The following ARHGAP25 variants were observed in gnomAD, a reference collection of about 807,000 sequenced individuals.
ARHGAP25 encodes the protein rho GTPase-activating protein 25.
Under a neutral mutation model 71.0 loss-of-function variants are expected in ARHGAP25, and 34 were observed. That is an observed-to-expected ratio of 0.48 (90% CI 0.36 to 0.64). ARHGAP25 has a LOEUF of 0.64. Ranked by LOEUF, ARHGAP25 falls within the 30% of genes least tolerant of loss-of-function variation. ARHGAP25 has a pLI of 0.00. For missense variants in ARHGAP25, 706 were observed against 805.1 expected, an observed-to-expected ratio of 0.88 and a Z score of 1.49; for synonymous variants, 282 against 296.5, an observed-to-expected ratio of 0.95 and a Z score of 0.50.
In ARHGAP25 at chr2:68,729,178, G is replaced by A. The variant is rs113015120; in HGVS notation, c.-18+18480G>A. ...TGAAAGTGTTCTACAGTTGATTGTG[G>A]CAATGGTTGCACAACTCTGAATGTA... On this transcript the variant is annotated intron_variant and NMD_transcript_variant, in intron 2 of 7. Coordinates refer to the ARHGAP25 transcript ENST00000463483. 5.9e-3 allele frequency among the ~76,000 whole-genome samples: 901 copies of A among 152,262 alleles called. 3 individuals carry two copies. Among genetic ancestry groups the A allele is most frequent in the Non-Finnish European group, 9.8e-3 (664 of 68,014 alleles).
intron 2 of ARHGAP25, among the ~76,000 whole-genome samples, chr2:68,711,917 T>C (rs1674492155): frequency 6.6e-6 from 1 of 152,066 alleles, no homozygotes; most frequent in Admixed American, 6.6e-5. Flanking sequence ...CAGTCTATCA[T>C]TGTGCATTTG....
chr2:68,735,985 TC>T (rs1675193432), intron 1 of ARHGAP25, among the ~76,000 whole-genome samples: 2 of 152,212 alleles, frequency 1.3e-5, no homozygotes, highest in South Asian at 4.1e-4. Context: ...ATAGATTTCT[TC>T]TATTGCTAAA....
chr2:68,816,096 T>C, intron 6 of ARHGAP25, 193 bp from the exon 7 acceptor site: 1 of 656,412 alleles, frequency 1.5e-6, no homozygotes, highest in Non-Finnish European at 2.8e-6. Flanking sequence ...ACTATGACCC[T>C]TTTAAAAAAA....
At chr2:68,753,610 A>G (rs958559572) in intron 1 of ARHGAP25, among the ~76,000 whole-genome samples, 2 of 152,164 alleles carry the variant, frequency 1.3e-5, no homozygotes, top group Non-Finnish European at 2.9e-5. Context: ...ATGGGGTGCT[A>G]TCTGTCCACT....
At chr2:68,758,534 G>C (rs1437822791) in intron 1 of ARHGAP25, among the ~76,000 whole-genome samples, 3 of 151,852 alleles carry the variant, frequency 2.0e-5, no homozygotes, top group African/African-American at 7.2e-5. Context: ...TACATTAATA[G>C]ATTGCTCAGT....
intron 5 of ARHGAP25, among the ~76,000 whole-genome samples, chr2:68,812,984 A>G (rs138375427): frequency 3.7e-4 from 57 of 152,356 alleles, no homozygotes; most frequent in African/African-American, 1.3e-3. Context: ...AATGACTTGA[A>G]GAAAGAAGAA....
chr2:68,754,237 A>C (rs891549689), intron 1 of ARHGAP25, among the ~76,000 whole-genome samples: 8 of 152,138 alleles, frequency 5.3e-5, no homozygotes, highest in African/African-American at 1.9e-4. Flanking sequence ...TTCTCCTCTC[A>C]TCTATTTCTA....
chr2:68,736,632 A>G (rs1573393313), intron 1 of ARHGAP25, among the ~76,000 whole-genome samples: 2 of 152,180 alleles, frequency 1.3e-5, no homozygotes, highest in East Asian at 3.8e-4. Context: ...GATATAGGAA[A>G]TTACCACACT....
intron 1 of ARHGAP25, among the ~76,000 whole-genome samples, chr2:68,760,780 C>T (rs1019416247): frequency 2.0e-5 from 3 of 151,334 alleles, no homozygotes; most frequent in South Asian, 2.1e-4. Context: ...TAATGCAATT[C>T]CTATCAAAAT....
intron 1 of ARHGAP25, among the ~76,000 whole-genome samples, chr2:68,759,624 ACCTGAT>A (rs756589543): frequency 0.054 from 8,248 of 152,060 alleles, 304 homozygotes; most frequent in Middle Eastern, 0.099. Context: ...TGAATTAAAG[ACCTGAT>A]GTCCTCACCA....
At chr2:68,742,172 G>T (rs1675553021) in intron 1 of ARHGAP25, among the ~76,000 whole-genome samples, 2 of 152,126 alleles carry the variant, frequency 1.3e-5, no homozygotes, top group African/African-American at 4.8e-5. Flanking sequence ...CTCTGGATGG[G>T]GCTGCGATAC....
At chr2:68,717,899 G>A (rs1674653615) in intron 2 of ARHGAP25, among the ~76,000 whole-genome samples, 2 of 152,196 alleles carry the variant, frequency 1.3e-5, no homozygotes, top group African/African-American at 4.8e-5. Context: ...CATAAAAAGA[G>A]CTCTGTTTTT....
chr2:68,724,484 A>G (rs1445507666), intron 2 of ARHGAP25, among the ~76,000 whole-genome samples: 2 of 152,214 alleles, frequency 1.3e-5, no homozygotes, highest in African/African-American at 4.8e-5. Flanking sequence ...GGATGGGACT[A>G]TAGCCACCTG....
intron 9 of ARHGAP25, among the ~76,000 whole-genome samples, chr2:68,821,725 G>T (rs999120784): frequency 6.6e-6 from 1 of 152,092 alleles, no homozygotes; most frequent in African/African-American, 2.4e-5. Flanking sequence ...TTATGAGAGA[G>T]GCTGAACATC....
intron 7 of ARHGAP25, 105 bp downstream of exon 7, chr2:68,816,467 A>C: frequency 3.4e-6 from 3 of 893,438 alleles, no homozygotes; most frequent in East Asian, 2.5e-5. Context: ...ATTCTGGTCT[A>C]GCACTTTGGA....
Position 68,817,962 on chromosome 2 carries a change from C to T in ARHGAP25, c.971C>T (p.Ser324Leu), listed in dbSNP as rs766951301. Residue 324 changes from serine to leucine, a missense_variant, in exon 8 of 11, where the codon TCG (serine) becomes TTG (leucine). Coordinates refer to ENST00000409202, the MANE Select transcript of ARHGAP25 (RefSeq NM_001007231.3). ...ATVIGVNLIR[S>L]KVEDPAVIMR... is the part of the protein sequence containing the mutation. The stretch of plus-strand genomic sequence containing the variant: ...GTGATTGGTGTGAATCTCATCAGGT[C>T]GAAGGTCGAAGACCCTGCCGTGATC... 11 of 1,613,988 alleles carry T rather than the reference C, an allele frequency of 6.8e-6. No homozygotes were observed. Among genetic ancestry groups the T allele is most frequent in the Admixed American group, 1.7e-5 (1 of 60,004 alleles).
At position 68,821,646 on chromosome 2, in the gene ARHGAP25, G is replaced by A. The variant is rs370944988; in HGVS notation, c.1201-694G>A. Among the ~76,000 whole-genome samples the A allele has an allele frequency of 6.6e-5, 10 of 152,218 alleles. No individual in the cohort carries two copies. In the South Asian group the frequency reaches 2.1e-3, roughly 32 times the overall value. ...CAACAGAGTTTGTTGTCAAATTTTG[G>A]GGGTTTGCTCATCTGATAAGTGAGA... On this transcript the variant is annotated intron_variant, in intron 9 of 10. Transcript: ENST00000409202.
At chr2:68,716,543 C>T (rs1558596271) in intron 2 of ARHGAP25, among the ~76,000 whole-genome samples, 2 of 152,170 alleles carry the variant, frequency 1.3e-5, no homozygotes, top group Non-Finnish European at 2.9e-5. Context: ...TCTATCCTTC[C>T]CTGAAGCTTG....
chr2:68,795,409 A>G (rs933178093), intron 4 of ARHGAP25, among the ~76,000 whole-genome samples: 3 of 152,164 alleles, frequency 2.0e-5, no homozygotes, highest in South Asian at 2.1e-4. Context: ...ATTTAATGCT[A>G]TTAACATCCC....
Sources: gnomAD v4.1 joint callset for allele counts (sites outside exome capture counted in the v4.1 genomes callset) on GRCh38, gnomAD v4.1.1 for gene constraint, MANE v1.5 for transcripts, NCBI Gene and HGNC (gene_info 2026-07-23, HGNC 2026-07-21) for gene names.